PTPRD: variants seen among roughly 807,000 people sequenced by gnomAD.
The protein encoded by PTPRD is receptor-type tyrosine-protein phosphatase delta.
A neutral mutation model predicts 214.5 loss-of-function variants in PTPRD; 34 were observed. That is an observed-to-expected ratio of 0.16 (90% CI 0.12 to 0.21). The LOEUF (loss-of-function observed/expected upper bound fraction) is 0.21, where lower values mean the gene tolerates loss of function less well. Ranked by LOEUF, PTPRD falls within the 10% of genes least tolerant of loss-of-function variation. The pLI is 1.00. For missense variants in PTPRD, 2,545 were observed against 2,398.7 expected (o/e 1.06, Z -1.27); for synonymous variants, 1,128 against 845.7 (o/e 1.33, Z -5.79).
chr9:10,255,838 T>G (rs922170489), intron 3 of PTPRD, among the ~76,000 whole-genome samples: 3 of 152,188 alleles, frequency 2.0e-5, no homozygotes, highest in East Asian at 3.9e-4. Flanking sequence ...AAAACTGTTT[T>G]GAAAAACTAA....
At chr9:8,438,993 T>C (rs35253812) in intron 34 of PTPRD, among the ~76,000 whole-genome samples, 5,226 of 152,310 alleles carry the variant, frequency 0.034, 145 homozygotes, top group Non-Finnish European at 0.054. Context: ...CAGACCTACA[T>C]TGAGTCATTA....
chr9:9,142,591 G>A (rs2099862290), intron 10 of PTPRD, among the ~76,000 whole-genome samples: 1 of 152,096 alleles, frequency 6.6e-6, no homozygotes, highest in African/African-American at 2.4e-5. Flanking sequence ...TTCTAATAGT[G>A]TTCATTGCAT....
At chr9:10,081,984 A>C (rs2098246079) in intron 3 of PTPRD, among the ~76,000 whole-genome samples, 2 of 152,090 alleles carry the variant, frequency 1.3e-5, no homozygotes. Context: ...ATTTAGGAGA[A>C]GCTAAGTTTA....
chr9:8,657,460 T>A (rs1266778312), intron 12 of PTPRD, among the ~76,000 whole-genome samples: 1 of 152,118 alleles, frequency 6.6e-6, no homozygotes, highest in Admixed American at 6.6e-5. Flanking sequence ...TGAGCCACCG[T>A]GCCCGGCCTG....
At position 8,557,779 on chromosome 9, in the gene PTPRD, TACACACACACAC is replaced by T. The variant is rs373363751; in HGVS notation, c.353-29012_353-29001del. Among the ~76,000 whole-genome samples the T allele has an allele frequency of 2.5e-3, 263 of 103,896 alleles. 1 individual carries two copies. The highest frequency in any genetic ancestry group is 7.1e-3 in the Admixed American group (68 of 9,566). The allele number at this position is 103,896 out of a possible 152,430, so 68.2% of individuals were successfully genotyped here. A position where few individuals can be genotyped will look rare whatever the true frequency, so the allele number is the denominator to read the frequency against. ...AAAAAAAAAAAAAAGAAAAACAAAA[TACACACACACAC>T]ACACACACACACACACATATATACA... On this transcript the variant is annotated intron_variant, in intron 14 of 45. Transcript: ENST00000381196.
At chr9:8,367,741 G>T (rs1214428577) in intron 39 of PTPRD, among the ~76,000 whole-genome samples, 1 of 152,114 alleles carries the variant, frequency 6.6e-6, no homozygotes, top group Non-Finnish European at 1.5e-5. Flanking sequence ...AGTATTCTTT[G>T]TGGACATTAA....
At chr9:9,607,151 T>C (rs549057467) in intron 7 of PTPRD, among the ~76,000 whole-genome samples, 15 of 151,960 alleles carry the variant, frequency 9.9e-5, no homozygotes, top group Non-Finnish European at 1.5e-4. Flanking sequence ...TTTATGCACA[T>C]CAAAGCCCTC....
intron 8 of PTPRD, among the ~76,000 whole-genome samples, chr9:9,466,391 T>C (rs142453770): frequency 6.6e-6 from 1 of 152,288 alleles, no homozygotes; most frequent in Non-Finnish European, 1.5e-5. Flanking sequence ...CTATTATGAA[T>C]CATATACTAT....
chr9:9,400,743 C>G lies in PTPRD; in HGVS notation c.-236-3261G>C, dbSNP rs548116537. Among the ~76,000 whole-genome samples the G allele has an allele frequency of 3.4e-4, 52 of 152,118 alleles. 1 individual carries two copies. In the South Asian group the frequency reaches 0.011, roughly 31 times the overall value. The stretch of plus-strand genomic sequence containing the variant: ...AGCTTTTGCTTTGACTCTAGTGATG[C>G]TGGTAAGAGTGAGGAAATGGAGTCA... On this transcript the variant is annotated intron_variant, in intron 8 of 45. Transcript: ENST00000381196.
chr9:10,141,389 C>G (rs1400629572), intron 3 of PTPRD, among the ~76,000 whole-genome samples: 2 of 152,110 alleles, frequency 1.3e-5, no homozygotes, highest in African/African-American at 2.4e-5. Context: ...AGCTGATAAG[C>G]AACTTCAGCA....
intron 2 of PTPRD, among the ~76,000 whole-genome samples, chr9:10,359,420 A>G (rs2097336177): frequency 6.6e-6 from 1 of 152,022 alleles, no homozygotes; most frequent in Non-Finnish European, 1.5e-5. Flanking sequence ...TCTTCTGTTA[A>G]TTTCCTTCCC....
intron 3 of PTPRD, among the ~76,000 whole-genome samples, chr9:10,104,269 A>T (rs529203667): frequency 1.3e-5 from 2 of 151,870 alleles, no homozygotes; most frequent in South Asian, 4.1e-4. Flanking sequence ...AAGAATGTGA[A>T]TGTACTTAAT....
At chr9:9,756,956 T>C (rs963361090) in intron 6 of PTPRD, among the ~76,000 whole-genome samples, 1 of 152,220 alleles carries the variant, frequency 6.6e-6, no homozygotes, top group Non-Finnish European at 1.5e-5. Context: ...GAAGCTCATT[T>C]TACCTGGAAA....
At chr9:9,721,380 G>T (rs796625468) in intron 7 of PTPRD, among the ~76,000 whole-genome samples, 1 of 152,078 alleles carries the variant, frequency 6.6e-6, no homozygotes, top group South Asian at 2.1e-4. Flanking sequence ...TATTTTTAAT[G>T]AGAGAGAGAA....
intron 11 of PTPRD, among the ~76,000 whole-genome samples, chr9:8,766,415 A>G (rs374287276): frequency 1.3e-5 from 2 of 152,138 alleles, no homozygotes; most frequent in South Asian, 2.1e-4. Flanking sequence ...CAGGTCCCCA[A>G]TTTGCACCCT....
chr9:9,153,755 C>G (rs113852816), intron 10 of PTPRD, among the ~76,000 whole-genome samples: 1 of 152,180 alleles, frequency 6.6e-6, no homozygotes, highest in Non-Finnish European at 1.5e-5. Flanking sequence ...GTAGAAAAAT[C>G]AACATTCATC....
intron 10 of PTPRD, among the ~76,000 whole-genome samples, chr9:9,056,042 C>A (rs572976684): frequency 6.6e-6 from 1 of 152,032 alleles, no homozygotes; most frequent in East Asian, 1.9e-4. Flanking sequence ...TAGAGTAGTT[C>A]TGGACTTGCC....
At chr9:10,312,658 C>T (rs1019640249) in intron 3 of PTPRD, among the ~76,000 whole-genome samples, 4 of 151,826 alleles carry the variant, frequency 2.6e-5, no homozygotes, top group Admixed American at 6.6e-5. Context: ...ATCTCTAAAA[C>T]ATAAGTGCTT....
At position 10,347,409 on chromosome 9, in the gene PTPRD, CT is replaced by C. The variant is rs201173966; in HGVS notation, c.-599-6393del. Among the ~76,000 whole-genome samples, 1,161 of 127,898 alleles carry C rather than the reference CT, an allele frequency of 9.1e-3. 12 individuals carry two copies. Among genetic ancestry groups the C allele is most frequent in the African/African-American group, 0.024 (801 of 33,630 alleles). The allele number at this position is 127,898 out of a possible 152,430, so 83.9% of individuals were successfully genotyped here. A position where few individuals can be genotyped will look rare whatever the true frequency, so the allele number is the denominator to read the frequency against. ...AATGTCCATCATCTTAGCTATTTGT[CT>C]TTTTTTTTTTTTTTTTTGAGATGGA... On this transcript the variant is annotated intron_variant, in intron 2 of 45. Coordinates refer to ENST00000381196, the MANE Select transcript of PTPRD (RefSeq NM_002839.4).
Sources: allele counts gnomAD v4.1 joint callset (sites outside exome capture counted in the v4.1 genomes callset), GRCh38; gene constraint gnomAD v4.1.1; transcripts MANE v1.5; gene names NCBI Gene and HGNC (gene_info 2026-07-23, HGNC 2026-07-21).